Variants in KCNQ2 observed in about 807,000 individuals in gnomAD.
KCNQ2 encodes potassium voltage-gated channel subfamily KQT member 2.
A neutral mutation model predicts 84.8 loss-of-function variants in KCNQ2; 14 were observed. That is an observed-to-expected ratio of 0.17 (90% CI 0.11 to 0.26). KCNQ2 has a LOEUF of 0.26. KCNQ2 is among the 10% of genes least tolerant of loss of function. The pLI is 1.00. For missense variants in KCNQ2, 788 were observed against 1,254.0 expected (o/e 0.63, Z 5.61); for synonymous variants, 599 against 554.1 (o/e 1.08, Z -1.14).
chr20:63,428,605 C>T (rs547022941), intron 9 of KCNQ2, among the ~76,000 whole-genome samples, 170 bp from the exon 10 acceptor site: 36 of 152,314 alleles, frequency 2.4e-4, no homozygotes, highest in African/African-American at 8.7e-4. Flanking sequence ...GGCTCAGGCC[C>T]ACCTCTCTTG....
At chr20:63,471,206 G>C (rs181791627) in intron 1 of KCNQ2, 1 of 152,358 alleles carries the variant, frequency 6.6e-6, no homozygotes, top group African/African-American at 2.4e-5. Context: ...GGAGCTCAGC[G>C]GGTCCCTTGT....
chr20:63,445,170 C>A (rs2081375362), intron 3 of KCNQ2, 68 bp downstream of exon 3: 2 of 1,610,180 alleles, frequency 1.2e-6, no homozygotes, highest in Non-Finnish European at 1.7e-6. Flanking sequence ...CCCAGCTCCC[C>A]CCAGGGCTGA....
intron 12 of KCNQ2, 108 bp from the exon 13 acceptor site, chr20:63,415,234 G>A (rs1218239329): frequency 2.0e-6 from 2 of 1,018,340 alleles, no homozygotes; most frequent in Non-Finnish European, 3.0e-6. Context: ...TGCGCCGGAG[G>A]GAGACACAGG....
chr20:63,426,247 G>A (rs1446317662), intron 10 of KCNQ2, among the ~76,000 whole-genome samples: 7 of 152,222 alleles, frequency 4.6e-5, no homozygotes, highest in Admixed American at 6.5e-5. Context: ...CCGCAACGCC[G>A]TTAGACAAGA....
At chr20:63,426,243 C>G (rs555000054) in intron 10 of KCNQ2, among the ~76,000 whole-genome samples, 2 of 152,372 alleles carry the variant, frequency 1.3e-5, no homozygotes, top group South Asian at 2.1e-4. Context: ...CAGGCCGCAA[C>G]GCCGTTAGAC....
At position 63,431,350 on chromosome 20, in the gene KCNQ2, C is replaced by T. The variant is rs764614789; in HGVS notation, c.1138G>A (p.Gly380Arg). ...PMYSSQTQTY[G>R]ASRLIPPLNQ... ...CCATGCATTTCCTACCTGGAGGCCC[C>T]GTAGGTTTGAGTTTGCGAACTTTCA... The change falls in exon 9 of 17, where the codon GGG becomes AGG. Residue 380 changes from glycine to arginine, a missense_variant. By Grantham distance (125) the Gly-to-Arg change is moderately radical. Coordinates refer to ENST00000359125, the MANE Select transcript of KCNQ2 (RefSeq NM_172107.4). 3.1e-6 allele frequency: 5 copies of T among 1,613,550 alleles called. No individual in the cohort carries two copies. The African/African-American group carries it at 4.0e-5, about 13-fold the overall frequency.
intron 1 of KCNQ2, among the ~76,000 whole-genome samples, chr20:63,456,915 G>A (rs763746972): frequency 1.3e-5 from 2 of 152,056 alleles, no homozygotes; most frequent in Admixed American, 6.5e-5. Context: ...CCCCGGGGAT[G>A]AGCAGAAAGC....
intron 1 of KCNQ2, among the ~76,000 whole-genome samples, chr20:63,452,010 G>A (rs1384887295): frequency 2.6e-5 from 4 of 152,256 alleles, no homozygotes; most frequent in African/African-American, 9.6e-5. Context: ...CAGAGGTGGA[G>A]GCTTCGGGCA....
In KCNQ2 at chr20:63,408,304, C is replaced by T; in HGVS notation, c.1887+109G>A. The T allele has an allele frequency of 1.4e-6, 2 of 1,401,462 alleles. No individual in the cohort carries two copies. The highest frequency in any genetic ancestry group is 1.3e-5 in the South Asian group (1 of 79,936). The allele number at this position is 1,401,462 out of a possible 1,614,324, so 86.8% of individuals were successfully genotyped here. On this transcript the variant is annotated intron_variant, in intron 16 of 16. Transcript: ENST00000359125. This position sits in a 1 kb window ranked among gnomAD's most constrained non-coding sequence, Gnocchi z 5.0. The stretch of plus-strand genomic sequence containing the variant: ...GTGACAGGGCCATGTAAACCCTAGA[C>T]TTGAGGAGCCCTCCGTGGCACCCAG...
intron 1 of KCNQ2, among the ~76,000 whole-genome samples, chr20:63,449,995 C>T (rs185843339): frequency 1.4e-3 from 211 of 152,230 alleles, no homozygotes; most frequent in African/African-American, 4.9e-3. Context: ...CACCCACACC[C>T]AGCACACAAC....
chr20:63,414,294 C>T lies in KCNQ2; in HGVS notation c.1526-101G>A. ...GGCTAGACAGAGCGCCAGGGAGCCC[C>T]TCGAGGCTCCCTGTGGTGCCCCTCG... On this transcript the variant is annotated intron_variant, in intron 13 of 16. Coordinates refer to ENST00000359125, the MANE Select transcript of KCNQ2 (RefSeq NM_172107.4). This position sits in a 1 kb window ranked among gnomAD's most constrained non-coding sequence, Gnocchi z 6.6. 1.2e-6 allele frequency: 1 copy of T among 848,954 alleles called. No individual in the cohort carries two copies. The highest frequency in any genetic ancestry group is 2.0e-6 in the Non-Finnish European group (1 of 508,136). 52.6% of individuals were successfully genotyped at this position (848,954 alleles called of 1,614,324 possible). A position where few individuals can be genotyped will look rare whatever the true frequency, so the allele number is the denominator to read the frequency against.
Position 63,407,930 on chromosome 20 carries a change from C to G in KCNQ2, c.1887+483G>C, listed in dbSNP as rs1324431998. 9.3e-6 allele frequency: 2 copies of G among 214,804 alleles called. No homozygotes were observed. The highest frequency in any genetic ancestry group is 5.2e-5 in the Admixed American group (1 of 19,084). 13.3% of individuals were successfully genotyped at this position (214,804 alleles called of 1,614,324 possible). On this transcript the variant is annotated intron_variant, in intron 16 of 16. Coordinates refer to ENST00000359125, the MANE Select transcript of KCNQ2 (RefSeq NM_172107.4). The surrounding 1 kb of genome is among the most constrained non-coding windows in gnomAD (Gnocchi z 7.2). ...CTGCTGCCCACCGTGGAACCCCCTT[C>G]AGGAAAGCCCCACAGGGCAGGACCT...
In KCNQ2 at chr20:63,425,087, C is replaced by T. The variant is rs1468441416; in HGVS notation, c.1218-881G>A. On this transcript the variant is annotated intron_variant, in intron 10 of 16. Transcript: ENST00000359125. The surrounding 1 kb of genome is among the most constrained non-coding windows in gnomAD (Gnocchi z 5.5). The stretch of plus-strand genomic sequence containing the variant: ...CGCCCCGTCTCTGCCTCCGTCTCTA[C>T]ACGACATTCTCTGTGTCTCTGTGTC... 1.3e-5 allele frequency among the ~76,000 whole-genome samples: 2 copies of T among 152,200 alleles called. No individual in the cohort carries two copies. Among genetic ancestry groups the T allele is most frequent in the Admixed American group, 1.3e-4 (2 of 15,282 alleles).
At chr20:63,415,802 G>A (rs1009462061) in intron 12 of KCNQ2, among the ~76,000 whole-genome samples, 10 of 151,740 alleles carry the variant, frequency 6.6e-5, no homozygotes, top group African/African-American at 1.5e-4. Flanking sequence ...CCCCGGCCCC[G>A]CCCGTGGTTT....
chr20:63,434,008 A>C (rs2080912759), intron 7 of KCNQ2, 105 bp from the exon 8 acceptor site: 1 of 938,520 alleles, frequency 1.1e-6, no homozygotes, highest in Non-Finnish European at 1.7e-6. Context: ...CCCATGCTGT[A>C]GGCCAGGCAC....
At chr20:63,415,856 C>T (rs1193709171) in intron 12 of KCNQ2, among the ~76,000 whole-genome samples, 1 of 152,114 alleles carries the variant, frequency 6.6e-6, no homozygotes, top group East Asian at 1.9e-4. Context: ...CAGGAAGCAG[C>T]CTCCCTCCTC....
Position 63,414,835 on chromosome 20 carries a change from C to T in KCNQ2, c.1525+68G>A, listed in dbSNP as rs2080233933. On this transcript the variant is annotated intron_variant, in intron 13 of 16. Coordinates refer to ENST00000359125, the MANE Select transcript of KCNQ2 (RefSeq NM_172107.4). The surrounding 1 kb of genome is among the most constrained non-coding windows in gnomAD (Gnocchi z 6.6). ...AGCAGCTGCGACGCCACAGGGTGGC[C>T]ACAGTAGCGTGGCCACCACATCCAT... The T allele has an allele frequency of 1.3e-6, 2 of 1,503,106 alleles. No homozygotes were observed. The highest frequency in any genetic ancestry group is 2.3e-5 in the East Asian group (1 of 44,308). The allele number at this position is 1,503,106 out of a possible 1,614,324, so 93.1% of individuals were successfully genotyped here.
At chr20:63,432,117 CCCACCCTCAGGGAAGGAT>C (rs2080819166) in intron 8 of KCNQ2, among the ~76,000 whole-genome samples, 9 of 126,502 alleles carry the variant, frequency 7.1e-5, no homozygotes, top group Admixed American at 1.6e-4. Context: ...CAGGGAAGGC[CCCACCCTCAGGGAAGGAT>C]CCACCCACAG....
rs761188359 is a variant in KCNQ2, at chr20:63,408,469, C to T, written c.1831G>A (p.Ala611Thr). The T allele has an allele frequency of 6.2e-6, 10 of 1,608,118 alleles. No individual in the cohort carries two copies. The highest frequency in any genetic ancestry group is 3.3e-5 in the South Asian group (3 of 90,262). Residue 611 changes from alanine (A) to threonine (T), a missense_variant, in exon 16 of 17, where the codon GCG (alanine) becomes ACG (threonine). Around this residue, in one of 8 missense-constraint regions of KCNQ2, gnomAD observed 378 missense variants for 434.5 expected, o/e 0.87. Transcript: ENST00000359125. The surrounding 1 kb of genome is among the most constrained non-coding windows in gnomAD (Gnocchi z 5.0). ...ATGCTGGGGTCCTCGGGCAGCTCCG[C>T]CTCGGCCGGGCCCTTGGTGCGGTCC... ...DKDRTKGPAE[A>T]ELPEDPSMMG... is the part of the protein sequence containing the mutation.
Sources: gnomAD v4.1 joint callset for allele counts (sites outside exome capture counted in the v4.1 genomes callset) on GRCh38, gnomAD v4.1.1 for gene constraint, gnomAD v4.1.1 regional missense constraint, Gnocchi (gnomAD v3.1) non-coding constraint, MANE v1.5 for transcripts, NCBI Gene and HGNC (gene_info 2026-07-23, HGNC 2026-07-21) for gene names.